The following MGST1 variants were observed in gnomAD, a reference collection of about 807,000 sequenced individuals.
The protein encoded by MGST1 is microsomal glutathione S-transferase 1.
In MGST1, 5 loss-of-function variants were observed where a neutral mutation model predicts 8.9. The observed-to-expected ratio is 0.56, with a 90% CI of 0.29 to 1.19. The LOEUF (loss-of-function observed/expected upper bound fraction) is 1.19. Ranked by LOEUF, MGST1 falls within the 50% of genes most tolerant of loss-of-function variation. MGST1 has a pLI of 0.08. For missense variants in MGST1, 182 were observed against 187.4 expected (o/e 0.97, Z 0.17); for synonymous variants, 54 against 67.8 (o/e 0.80, Z 1.00).
intron 1 of MGST1, among the ~76,000 whole-genome samples, chr12:16,394,450 TTCTCAC>T: frequency 6.6e-6 from 1 of 151,478 alleles, no homozygotes; most frequent in Admixed American, 6.6e-5. Flanking sequence ...CTCTCTTTCT[TTCTCAC>T]TCTTCCTCCC....
At chr12:16,374,214 A>G (rs1447848557) in intron 3 of MGST1, among the ~76,000 whole-genome samples, 1 of 152,144 alleles carries the variant, frequency 6.6e-6, no homozygotes, top group East Asian at 1.9e-4. Flanking sequence ...AAATGAAACT[A>G]AATGGAAAAC....
intron 4 of MGST1, among the ~76,000 whole-genome samples, chr12:16,557,135 A>T (rs1207621089): frequency 6.6e-6 from 1 of 152,088 alleles, no homozygotes; most frequent in Non-Finnish European, 1.5e-5. Flanking sequence ...AACAACCTAC[A>T]ATTACTTTGC....
rs916793257 is a variant in MGST1 at position 16,559,729 on chromosome 12, T to C, written n.483-29799T>C. 2.0e-5 allele frequency among the ~76,000 whole-genome samples: 3 copies of C among 151,726 alleles called. No individual in the cohort carries two copies. Among genetic ancestry groups the C allele is most frequent in the Admixed American group, 2.0e-4 (3 of 15,212 alleles). The stretch of plus-strand genomic sequence containing the variant: ...ACTTTGGGAGGTGGAGGTGGGAGGA[T>C]TGCTTGAGGCCAGGAGTTTGAGACC... On this transcript the variant is annotated intron_variant and non_coding_transcript_variant, in intron 4 of 4. Coordinates refer to the MGST1 transcript ENST00000538857. This position sits in a 1 kb window ranked among gnomAD's most constrained non-coding sequence, Gnocchi z 4.1.
intron 1 of MGST1, among the ~76,000 whole-genome samples, chr12:16,435,272 T>C (rs1302622204): frequency 6.6e-6 from 1 of 151,966 alleles, no homozygotes; most frequent in Non-Finnish European, 1.5e-5. Context: ...TGAATATATA[T>C]TGATATAGCC....
chr12:16,557,484 T>C (rs1942235896), intron 4 of MGST1, among the ~76,000 whole-genome samples: 1 of 152,046 alleles, frequency 6.6e-6, no homozygotes, highest in Admixed American at 6.6e-5. Context: ...TGGAGATCAT[T>C]AAGCAATGTA....
At chr12:16,531,116 TGAATA>T (rs1419158259) in intron 4 of MGST1, among the ~76,000 whole-genome samples, 15 of 121,974 alleles carry the variant, frequency 1.2e-4, no homozygotes, top group African/African-American at 4.5e-4. Flanking sequence ...TGTTCATCAC[TGAATA>T]GAAGCAAAGG....
intron 4 of MGST1, among the ~76,000 whole-genome samples, chr12:16,448,621 A>C (rs1474219690): frequency 6.6e-6 from 1 of 152,002 alleles, no homozygotes; most frequent in African/African-American, 2.4e-5. Flanking sequence ...TTAAAATTTA[A>C]AGTCTGTGTT....
intron 4 of MGST1, chr12:16,514,351 C>T (rs546614968): frequency 1.4e-4 from 44 of 304,904 alleles, no homozygotes; most frequent in African/African-American, 8.6e-4. Flanking sequence ...CAATGGGACC[C>T]GTTTGCTTCT....
intron 4 of MGST1, among the ~76,000 whole-genome samples, chr12:16,484,815 G>A (rs1174029371): frequency 6.6e-6 from 1 of 152,152 alleles, no homozygotes; most frequent in Non-Finnish European, 1.5e-5. Flanking sequence ...TTTGATCAGG[G>A]ACATAAATCC....
chr12:16,449,612 G>T (rs1250665551), intron 4 of MGST1, among the ~76,000 whole-genome samples: 1 of 151,942 alleles, frequency 6.6e-6, no homozygotes, highest in Non-Finnish European at 1.5e-5. Flanking sequence ...CCATGTCATT[G>T]TTCATCAAAA....
chr12:16,433,710 G>T (rs928393169), intron 1 of MGST1, among the ~76,000 whole-genome samples: 1 of 151,986 alleles, frequency 6.6e-6, no homozygotes, highest in South Asian at 2.1e-4. Flanking sequence ...CAAATATCTG[G>T]GCATCCTATG....
chr12:16,557,723 A>T (rs966089739), intron 4 of MGST1, among the ~76,000 whole-genome samples: 1 of 152,094 alleles, frequency 6.6e-6, no homozygotes, highest in African/African-American at 2.4e-5. Context: ...GACATTTAAC[A>T]TAAATTATTT....
chr12:16,405,927 T>G (rs1459206290), intron 1 of MGST1, among the ~76,000 whole-genome samples: 1 of 152,312 alleles, frequency 6.6e-6, no homozygotes, highest in Non-Finnish European at 1.5e-5. Flanking sequence ...ATAAGAGTCA[T>G]CTATGACAAA....
chr12:16,446,745 G>A (rs545185791), intron 4 of MGST1, among the ~76,000 whole-genome samples: 6 of 151,930 alleles, frequency 3.9e-5, no homozygotes, highest in Non-Finnish European at 8.8e-5. Context: ...CAAGCCCCAA[G>A]TGGTGGCTTG....
chr12:16,378,157 C>A, downstream of MGST1, among the ~76,000 whole-genome samples: 1 of 152,080 alleles, frequency 6.6e-6, no homozygotes, highest in Non-Finnish European at 1.5e-5. Flanking sequence ...TTAATTAGAT[C>A]CCATTTGTCA....
intron 4 of MGST1, among the ~76,000 whole-genome samples, chr12:16,509,837 G>A (rs909751760): frequency 6.6e-6 from 1 of 152,088 alleles, no homozygotes; most frequent in Non-Finnish European, 1.5e-5. Context: ...GATACGTTTA[G>A]GTAGGAGTGA....
intron 1 of MGST1, among the ~76,000 whole-genome samples, chr12:16,427,624 C>T (rs912059273): frequency 3.3e-5 from 5 of 152,132 alleles, no homozygotes; most frequent in East Asian, 3.9e-4. Flanking sequence ...TCAAGTGATC[C>T]GCCCATCCTG....
chr12:16,455,624 T>C, intron 4 of MGST1, among the ~76,000 whole-genome samples: 1 of 151,840 alleles, frequency 6.6e-6, no homozygotes, highest in Non-Finnish European at 1.5e-5. Context: ...AGAAGCCTCA[T>C]CAAGTGAAAA....
Position 16,348,686 on chromosome 12 carries a change from C to A in MGST1, c.-23+976C>A, listed in dbSNP as rs1255570003. ...TGGGGTCCCAGCCTGCTGTGAGTCC[C>A]AGCCTACACCTACCTTTTGCATATG... On this transcript the variant is annotated intron_variant, in intron 1 of 3. Transcript: ENST00000396210. Among the ~76,000 whole-genome samples the A allele has an allele frequency of 2.6e-5, 4 of 152,004 alleles. 1 individual carries two copies. Among genetic ancestry groups the A allele is most frequent in the African/African-American group, 7.3e-5 (3 of 41,356 alleles).
Sources: gnomAD v4.1 joint callset for allele counts (sites outside exome capture counted in the v4.1 genomes callset) on GRCh38, gnomAD v4.1.1 for gene constraint, Gnocchi (gnomAD v3.1) non-coding constraint, MANE v1.5 for transcripts, NCBI Gene and HGNC (gene_info 2026-07-23, HGNC 2026-07-21) for gene names.